LRP1B: variants seen among roughly 807,000 people sequenced by gnomAD.
LRP1B encodes the protein low-density lipoprotein receptor-related protein 1B.
Under a neutral mutation model 556.6 loss-of-function variants are expected in LRP1B, and 217 were observed. The observed-to-expected ratio is 0.39, with a 90% CI of 0.35 to 0.44. The LOEUF (loss-of-function observed/expected upper bound fraction) is 0.44. LRP1B is among the 20% of genes least tolerant of loss of function. The pLI is 1.00. For synonymous variants in LRP1B, 2,047 were observed against 1,865.8 expected (o/e 1.10, Z -2.50); for missense variants, 5,053 against 5,620.8 (o/e 0.90, Z 3.23).
intron 83 of LRP1B, among the ~76,000 whole-genome samples, chr2:140,303,012 C>CATATAT (rs59878403): frequency 0.015 from 1,279 of 82,614 alleles, 7 homozygotes; most frequent in Middle Eastern, 0.018. Flanking sequence ...AAATCTCCTT[C>CATATAT]ATATATATAT....
chr2:140,666,018 G>A (rs1458901230), intron 41 of LRP1B, among the ~76,000 whole-genome samples: 2 of 149,888 alleles, frequency 1.3e-5, no homozygotes, highest in Non-Finnish European at 3.0e-5. Flanking sequence ...TCCTGAGACG[G>A]AGTCTCACTC....
chr2:140,851,791 T>C lies in LRP1B; in HGVS notation c.4580-8A>G. On this transcript the variant is annotated splice_polypyrimidine_tract_variant and splice_region_variant and intron_variant, in intron 27 of 90. Transcript: ENST00000389484. ...CTGCACAAGGATTGGGAGCTGTAAT[T>C]ACACAGTGAAATATGAACAGTGAAG... 1 of 1,593,478 alleles carries C rather than the reference T, an allele frequency of 6.3e-7. No homozygotes were observed. The highest frequency in any genetic ancestry group is 1.1e-5 in the South Asian group (1 of 87,086).
At chr2:142,013,001 A>G (rs1267951162) in intron 1 of LRP1B, among the ~76,000 whole-genome samples, 1 of 152,218 alleles carries the variant, frequency 6.6e-6, no homozygotes, top group Non-Finnish European at 1.5e-5. Flanking sequence ...GAAAAGGCAC[A>G]GAAGTGGGAA....
At chr2:141,669,112 TG>T (rs1292271949) in intron 2 of LRP1B, among the ~76,000 whole-genome samples, 4 of 151,036 alleles carry the variant, frequency 2.6e-5, no homozygotes, top group Non-Finnish European at 5.9e-5. Flanking sequence ...TATTTGGAGA[TG>T]GGGGCTTTGA....
At chr2:141,611,799 G>A (rs891270754) in intron 2 of LRP1B, among the ~76,000 whole-genome samples, 3 of 152,186 alleles carry the variant, frequency 2.0e-5, no homozygotes, top group Admixed American at 6.5e-5. Context: ...AGTAGAATAT[G>A]CTTAATTAAT....
intron 2 of LRP1B, among the ~76,000 whole-genome samples, chr2:141,498,656 C>T (rs1683606299): frequency 1.3e-5 from 2 of 152,064 alleles, no homozygotes; most frequent in South Asian, 4.1e-4. Flanking sequence ...CAGCCCCCAT[C>T]CTGCAAAGGA....
chr2:141,283,922 A>G (rs1415673394), intron 3 of LRP1B, among the ~76,000 whole-genome samples: 1 of 152,158 alleles, frequency 6.6e-6, no homozygotes, highest in Non-Finnish European at 1.5e-5. Flanking sequence ...GATAATAAAA[A>G]ATTATCTGAG....
intron 2 of LRP1B, among the ~76,000 whole-genome samples, chr2:141,543,113 T>C (rs1030113613): frequency 2.0e-5 from 3 of 152,128 alleles, no homozygotes; most frequent in South Asian, 4.1e-4. Flanking sequence ...TAAGCAAATA[T>C]AAGAACTTGG....
chr2:140,964,194 G>A (rs1262261558), intron 18 of LRP1B, among the ~76,000 whole-genome samples: 5 of 152,150 alleles, frequency 3.3e-5, no homozygotes, highest in Non-Finnish European at 7.3e-5. Flanking sequence ...CTGCATATCA[G>A]GGACTATTAG....
intron 1 of LRP1B, among the ~76,000 whole-genome samples, chr2:142,052,801 C>T (rs751098071): frequency 1.3e-5 from 2 of 152,018 alleles, no homozygotes; most frequent in Non-Finnish European, 2.9e-5. Flanking sequence ...TTTGCATGTG[C>T]CAAAAGCTGA....
intron 1 of LRP1B, among the ~76,000 whole-genome samples, chr2:141,988,559 G>T (rs186232483): frequency 6.1e-4 from 93 of 152,018 alleles, no homozygotes; most frequent in African/African-American, 2.2e-3. Context: ...TTGGTTATGG[G>T]TTATGTTCCC....
intron 7 of LRP1B, among the ~76,000 whole-genome samples, chr2:141,177,810 T>C (rs1680801212): frequency 6.6e-6 from 1 of 152,066 alleles, no homozygotes; most frequent in Admixed American, 6.6e-5. Flanking sequence ...GAGAAAATAT[T>C]GAAAATGGTT....
At chr2:141,945,417 A>G (rs1700924588) in intron 1 of LRP1B, among the ~76,000 whole-genome samples, 1 of 151,638 alleles carries the variant, frequency 6.6e-6, no homozygotes, top group African/African-American at 2.4e-5. Flanking sequence ...TAACGGCCCC[A>G]CTCTAACTTT....
intron 35 of LRP1B, among the ~76,000 whole-genome samples, chr2:140,740,766 G>A (rs1403465527): frequency 6.6e-6 from 1 of 152,108 alleles, no homozygotes; most frequent in Admixed American, 6.6e-5. Context: ...GCCTGTAGAT[G>A]GCCATCTTCT....
chr2:141,261,296 C>T (rs1009960829), intron 3 of LRP1B, among the ~76,000 whole-genome samples: 3 of 152,142 alleles, frequency 2.0e-5, no homozygotes, highest in Non-Finnish European at 4.4e-5. Flanking sequence ...TGTTCTCTTA[C>T]AAGAAGATAG....
intron 31 of LRP1B, among the ~76,000 whole-genome samples, chr2:140,815,865 CTCTTTTTT>C (rs1021857296): frequency 1.3e-3 from 88 of 66,462 alleles, no homozygotes; most frequent in Non-Finnish European, 2.8e-3. Flanking sequence ...AATGTTGTCT[CTCTTTTTT>C]TTTTTTTTTT....
At position 140,776,102 on chromosome 2, in the gene LRP1B, C is replaced by T. The variant is rs1404662535; in HGVS notation, c.5496G>A (p.Gln1832=). ...AAATTCATTAGTGTGATTTACCTTG[C>T]TGTGCTTCTTTATCATAGACTTTCA... is the stretch of plus-strand genomic sequence containing the variant. ...VHMKVYDKEA[Q]QGSNSCQLNN... is the part of the protein sequence containing the mutation. Residue 1832 remains glutamine, a synonymous_variant, in exon 33 of 91, where the codon CAG becomes CAA. Coordinates refer to ENST00000389484, the MANE Select transcript of LRP1B (RefSeq NM_018557.3). 1.3e-6 allele frequency: 2 copies of T among 1,561,726 alleles called. No individual in the cohort carries two copies. Among genetic ancestry groups the T allele is most frequent in the Non-Finnish European group, 1.7e-6 (2 of 1,159,772 alleles).
At chr2:141,493,254 A>G (rs1240598249) in intron 2 of LRP1B, among the ~76,000 whole-genome samples, 2 of 152,138 alleles carry the variant, frequency 1.3e-5, no homozygotes, top group African/African-American at 4.8e-5. Context: ...TTGTGCTGCA[A>G]TCTCAGACAA....
At chr2:141,035,140 A>G (rs557271661) in intron 11 of LRP1B, among the ~76,000 whole-genome samples, 2 of 149,764 alleles carry the variant, frequency 1.3e-5, no homozygotes, top group South Asian at 2.2e-4. Flanking sequence ...TCACTCATAG[A>G]TGGGAATTGA....
Sources: allele counts gnomAD v4.1 joint callset (sites outside exome capture counted in the v4.1 genomes callset), GRCh38; gene constraint gnomAD v4.1.1; transcripts MANE v1.5; gene names NCBI Gene and HGNC (gene_info 2026-07-23, HGNC 2026-07-21).